The following GSE1 variants were observed in gnomAD, a reference collection of about 807,000 sequenced individuals.
The protein encoded by GSE1 is Gse1 coiled-coil protein.
In GSE1, 32 loss-of-function variants were observed where a neutral mutation model predicts 112.6. That is an observed-to-expected ratio of 0.28 (90% CI 0.21 to 0.38). GSE1 has a LOEUF of 0.38. Ranked by LOEUF, GSE1 falls within the 10% of genes least tolerant of loss-of-function variation. The pLI, the probability that GSE1 is intolerant of heterozygous loss-of-function variation, is 1.00. For synonymous variants in GSE1, 1,115 were observed against 735.6 expected (o/e 1.52, Z -8.35); for missense variants, 2,348 against 1,699.2 (o/e 1.38, Z -6.71).
chr16:85,420,044 C>A (rs1258807522), intron 2 of GSE1, among the ~76,000 whole-genome samples: 3 of 152,170 alleles, frequency 2.0e-5, no homozygotes, highest in Non-Finnish European at 4.4e-5. Context: ...CAAGTCCCTG[C>A]CCTAAAGTGT....
intron 1 of GSE1, among the ~76,000 whole-genome samples, chr16:85,209,496 A>G (rs2075186345): frequency 6.6e-6 from 1 of 151,910 alleles, no homozygotes; most frequent in Non-Finnish European, 1.5e-5. Flanking sequence ...ATCCCCCTGG[A>G]CCACTGACCC....
At chr16:85,525,589 C>G (rs2052341238) in intron 2 of GSE1, among the ~76,000 whole-genome samples, 2 of 152,196 alleles carry the variant, frequency 1.3e-5, no homozygotes, top group Non-Finnish European at 2.9e-5. Flanking sequence ...TGTCACTGCC[C>G]ACATGCCTGA....
intron 13 of GSE1, 194 bp downstream of exon 13, chr16:85,666,541 T>G: frequency 1.6e-6 from 1 of 618,336 alleles, no homozygotes. Flanking sequence ...AAACCTGAAC[T>G]CGTAGGTGAG....
chr16:85,253,761 G>A (rs1906770093), intron 1 of GSE1, among the ~76,000 whole-genome samples: 1 of 152,182 alleles, frequency 6.6e-6, no homozygotes, highest in South Asian at 2.1e-4. Flanking sequence ...TGCGTGCAAA[G>A]GCCAGGAGGT....
At chr16:85,215,579 T>C (rs2075294743) in intron 1 of GSE1, among the ~76,000 whole-genome samples, 1 of 152,296 alleles carries the variant, frequency 6.6e-6, no homozygotes, top group South Asian at 2.1e-4. Flanking sequence ...AATAATAATA[T>C]CTGCCTTATA....
intron 2 of GSE1, among the ~76,000 whole-genome samples, chr16:85,506,524 C>T (rs999477498): frequency 6.6e-6 from 1 of 152,018 alleles, no homozygotes; most frequent in Non-Finnish European, 1.5e-5. Context: ...GGCCCGCTGA[C>T]GATCAGGGGA....
chr16:85,576,352 A>C (rs891008365), intron 1 of GSE1, among the ~76,000 whole-genome samples: 3 of 152,234 alleles, frequency 2.0e-5, no homozygotes, highest in African/African-American at 7.2e-5. Flanking sequence ...CTACGAGGAA[A>C]TAGTTTATCT....
chr16:85,410,251 T>C (rs77743913), intron 2 of GSE1, among the ~76,000 whole-genome samples: 12 of 11,078 alleles, frequency 1.1e-3, no homozygotes, highest in African/African-American at 1.3e-3. Flanking sequence ...TAATCCTCAC[T>C]GTTACTCTCA....
chr16:85,569,036 C>T (rs1299049268), intron 1 of GSE1, among the ~76,000 whole-genome samples: 1 of 152,228 alleles, frequency 6.6e-6, no homozygotes, highest in Non-Finnish European at 1.5e-5. Flanking sequence ...AGGTCACTTT[C>T]TGGGTGGCAT....
intron 1 of GSE1, among the ~76,000 whole-genome samples, chr16:85,234,424 C>T (rs898374863): frequency 2.6e-5 from 4 of 152,182 alleles, no homozygotes; most frequent in African/African-American, 4.8e-5. Context: ...GCACAGGGAC[C>T]GCTCCAGCAG....
chr16:85,274,586 A>T (rs1414561391), intron 1 of GSE1, among the ~76,000 whole-genome samples: 2 of 152,208 alleles, frequency 1.3e-5, no homozygotes, highest in Non-Finnish European at 2.9e-5. Context: ...GCAGCCGTCG[A>T]GGCCTCTGTG....
At chr16:85,209,917 C>G (rs918743326) in intron 1 of GSE1, among the ~76,000 whole-genome samples, 1 of 152,180 alleles carries the variant, frequency 6.6e-6, no homozygotes. Flanking sequence ...GCTTTCCTAC[C>G]TCCAGGGGTG....
intron 8 of GSE1, 60 bp downstream of exon 8, chr16:85,657,664 G>C: frequency 8.4e-7 from 1 of 1,194,178 alleles, no homozygotes; most frequent in Non-Finnish European, 1.1e-6. Flanking sequence ...TGTTCAGCGT[G>C]TATTGAGCAC....
chr16:85,231,633 A>G lies in GSE1; in HGVS notation c.2283+59826A>G, dbSNP rs1163402462. On this transcript the variant is annotated intron_variant, in intron 1 of 2. Transcript: ENST00000637419. ...GTGGAATAGAGGGGTGGCTAGTTGG[A>G]TGTAGCCCCCTCTCCCTGCCTTCCT... 2.0e-5 allele frequency among the ~76,000 whole-genome samples: 3 copies of G among 152,274 alleles called. No individual in the cohort carries two copies. In the East Asian group the frequency reaches 5.8e-4, roughly 29 times the overall value.
intron 2 of GSE1, among the ~76,000 whole-genome samples, chr16:85,535,620 G>A (rs1477395617): frequency 1.3e-5 from 2 of 152,326 alleles, no homozygotes; most frequent in East Asian, 1.9e-4. Flanking sequence ...CTGCTTGGGG[G>A]TTGGGGTGAT....
At chr16:85,391,491 C>T (rs1481259582) in intron 2 of GSE1, among the ~76,000 whole-genome samples, 1 of 152,210 alleles carries the variant, frequency 6.6e-6, no homozygotes, top group Non-Finnish European at 1.5e-5. Context: ...GCCGGCGATG[C>T]TTCCTGCCTC....
intron 2 of GSE1, among the ~76,000 whole-genome samples, chr16:85,541,852 A>G (rs2044530104): frequency 6.6e-6 from 1 of 152,144 alleles, no homozygotes; most frequent in South Asian, 2.1e-4. Flanking sequence ...GACTTTCTCC[A>G]TCTGCAGAAG....
chr16:85,545,200 C>G (rs948786579), intron 2 of GSE1, among the ~76,000 whole-genome samples: 1 of 152,224 alleles, frequency 6.6e-6, no homozygotes, highest in African/African-American at 2.4e-5. Context: ...CCTGGGCAGT[C>G]CCCAACACAG....
intron 1 of GSE1, among the ~76,000 whole-genome samples, chr16:85,203,160 T>C (rs2075058991): frequency 6.6e-6 from 1 of 151,780 alleles, no homozygotes; most frequent in Non-Finnish European, 1.5e-5. Flanking sequence ...CACACCTGGC[T>C]CTGGGGCTGC....
Sources: gnomAD v4.1 joint callset for allele counts (sites outside exome capture counted in the v4.1 genomes callset) on GRCh38, gnomAD v4.1.1 for gene constraint, MANE v1.5 for transcripts, NCBI Gene and HGNC (gene_info 2026-07-23, HGNC 2026-07-21) for gene names.